ALMS1: variants seen among roughly 807,000 people sequenced by gnomAD.
The protein encoded by ALMS1 is ALMS1 centrosome and basal body associated protein.
In ALMS1, 271 loss-of-function variants were observed where a neutral mutation model predicts 352.2. The observed-to-expected ratio is 0.77, with a 90% CI of 0.70 to 0.85. The LOEUF is 0.85. Among genes scored for constraint, ALMS1 ranks in the 40% least tolerant of loss-of-function variants. ALMS1 has a pLI of 0.00. For missense variants in ALMS1, 5,445 were observed against 4,870.7 expected (o/e 1.12, Z -3.51); for synonymous variants, 1,865 against 1,761.2 (o/e 1.06, Z -1.48).
At chr2:73,478,169 C>A (rs1320167132) in intron 9 of ALMS1, among the ~76,000 whole-genome samples, 1 of 152,066 alleles carries the variant, frequency 6.6e-6, no homozygotes, top group Non-Finnish European at 1.5e-5. Context: ...AATTTTATCA[C>A]AAAAACGTAT....
In ALMS1 at chr2:73,434,765, T is replaced by C. The variant is rs565712225; in HGVS notation, c.1432+2474T>C. ...CTTCACATATTTTGACATTATGATG[T>C]TAGATCCATATATGTTTATAATTGT... is the stretch of plus-strand genomic sequence containing the variant. On this transcript the variant is annotated intron_variant, in intron 7 of 22. Coordinates refer to ENST00000613296, the MANE Select transcript of ALMS1 (RefSeq NM_001378454.1). 2.0e-5 allele frequency among the ~76,000 whole-genome samples: 3 copies of C among 152,342 alleles called. No homozygotes were observed. In the South Asian group the frequency reaches 6.2e-4, roughly 32 times the overall value.
intron 1 of ALMS1, among the ~76,000 whole-genome samples, chr2:73,391,583 G>A (rs1395387835): frequency 6.6e-6 from 1 of 152,100 alleles, no homozygotes; most frequent in Non-Finnish European, 1.5e-5. Context: ...TTGAGCCACC[G>A]TGCCTGGCCT....
At chr2:73,569,292 G>A (rs1363764514) in intron 15 of ALMS1, among the ~76,000 whole-genome samples, 1 of 151,952 alleles carries the variant, frequency 6.6e-6, no homozygotes, top group East Asian at 1.9e-4. Flanking sequence ...TGGGATTACA[G>A]GCCTGAGCCA....
intron 10 of ALMS1, among the ~76,000 whole-genome samples, chr2:73,497,998 G>A (rs1673144742): frequency 1.3e-5 from 2 of 152,038 alleles, no homozygotes. Flanking sequence ...CTGCAATAAA[G>A]CCGATCACAT....
intron 10 of ALMS1, among the ~76,000 whole-genome samples, chr2:73,514,224 A>G (rs936982077): frequency 2.0e-5 from 3 of 152,158 alleles, no homozygotes; most frequent in Non-Finnish European, 2.9e-5. Flanking sequence ...TACATTTAAT[A>G]TAATTATTGA....
intron 1 of ALMS1, among the ~76,000 whole-genome samples, chr2:73,391,958 TC>T (rs1290121351): frequency 6.6e-6 from 1 of 152,152 alleles, no homozygotes; most frequent in Non-Finnish European, 1.5e-5. Flanking sequence ...TTGGTGGTTT[TC>T]CTAGGAAATC....
intron 12 of ALMS1, among the ~76,000 whole-genome samples, chr2:73,536,858 G>GA (rs1462512291): frequency 6.6e-6 from 1 of 152,162 alleles, no homozygotes; most frequent in African/African-American, 2.4e-5. Flanking sequence ...ATTTATTCAA[G>GA]AAAAATGGCC....
intron 12 of ALMS1, 53 bp downstream of exon 12, chr2:73,535,002 T>C (rs1402517874): frequency 1.2e-6 from 2 of 1,606,696 alleles, no homozygotes; most frequent in South Asian, 2.2e-5. Context: ...TATTTGTGTA[T>C]TGGCTAGTTG....
chr2:73,425,024 G>A lies in ALMS1; in HGVS notation c.1237+122G>A, dbSNP rs1444894941. Reference sequence around the variant, plus strand: ...TGCCATGGAACAAAGAGGGAACTTTGCACCACCCAGAAACGTGTGTAATCA... The same window carrying A: ...TGCCATGGAACAAAGAGGGAACTTTACACCACCCAGAAACGTGTGTAATCA... On this transcript the variant is annotated intron_variant, in intron 5 of 22. Transcript: ENST00000613296. 3.9e-6 allele frequency: 3 copies of A among 771,446 alleles called. No individual in the cohort carries two copies. In the Admixed American group the frequency reaches 9.2e-5, roughly 24 times the overall value. 47.8% of individuals were successfully genotyped at this position (771,446 alleles called of 1,614,324 possible). A position where few individuals can be genotyped will look rare whatever the true frequency, so the allele number is the denominator to read the frequency against.
At chr2:73,467,304 A>C (rs1672376119) in intron 9 of ALMS1, among the ~76,000 whole-genome samples, 1 of 152,144 alleles carries the variant, frequency 6.6e-6, no homozygotes, top group South Asian at 2.1e-4. Context: ...CTACCCAAAG[A>C]CTTCACTAGG....
intron 21 of ALMS1, among the ~76,000 whole-genome samples, chr2:73,606,212 G>A (rs753821952): frequency 9.2e-5 from 14 of 152,162 alleles, no homozygotes; most frequent in African/African-American, 1.4e-4. Flanking sequence ...GTTATTTCAA[G>A]TGAATAAAAA....
intron 1 of ALMS1, among the ~76,000 whole-genome samples, chr2:73,403,186 C>A (rs1210647256): frequency 1.3e-5 from 2 of 152,142 alleles, no homozygotes; most frequent in Non-Finnish European, 2.9e-5. Flanking sequence ...GTTCTTTAAT[C>A]AACTTTGAGT....
intron 16 of ALMS1, among the ~76,000 whole-genome samples, chr2:73,590,622 G>T (rs1166174292): frequency 2.3e-5 from 3 of 132,874 alleles, no homozygotes; most frequent in South Asian, 2.6e-4. Flanking sequence ...ATTCATTTTT[G>T]TAAACATATT....
At chr2:73,493,230 T>G (rs1199884940) in intron 10 of ALMS1, among the ~76,000 whole-genome samples, 1 of 151,792 alleles carries the variant, frequency 6.6e-6, no homozygotes, top group Non-Finnish European at 1.5e-5. Flanking sequence ...GTTGTGGATT[T>G]AAAAAACCTG....
intron 2 of ALMS1, 117 bp downstream of exon 2, chr2:73,408,864 CTTTTTTT>C (rs58686365): frequency 3.8e-4 from 72 of 188,546 alleles, no homozygotes; most frequent in South Asian, 8.9e-4. Context: ...GTTTTCTTGT[CTTTTTTT>C]TTTTTTTTTT....
chr2:73,479,430 A>G (rs1007330288), intron 9 of ALMS1, among the ~76,000 whole-genome samples: 4 of 152,182 alleles, frequency 2.6e-5, no homozygotes, highest in Admixed American at 6.5e-5. Flanking sequence ...CTTTGTTTCT[A>G]TAACTTTGTA....
At chr2:73,566,162 AT>A (rs2104086611) in intron 15 of ALMS1, among the ~76,000 whole-genome samples, 1 of 152,364 alleles carries the variant, frequency 6.6e-6, no homozygotes, top group African/African-American at 2.4e-5. Flanking sequence ...TTAAAAGTTT[AT>A]TTTAAAAAAT....
chr2:73,555,587 G>A (rs1294713732), intron 13 of ALMS1, among the ~76,000 whole-genome samples: 1 of 152,024 alleles, frequency 6.6e-6, no homozygotes, highest in Non-Finnish European at 1.5e-5. Flanking sequence ...CTACCCTAAA[G>A]GGAAAATATA....
intron 15 of ALMS1, among the ~76,000 whole-genome samples, chr2:73,568,925 A>G (rs1444444091): frequency 6.9e-6 from 1 of 145,864 alleles, no homozygotes; most frequent in Non-Finnish European, 1.5e-5. Flanking sequence ...GATGGTGATT[A>G]TCAAATCCTG....
Sources: allele counts gnomAD v4.1 joint callset (sites outside exome capture counted in the v4.1 genomes callset), GRCh38; gene constraint gnomAD v4.1.1; transcripts MANE v1.5; gene names NCBI Gene and HGNC (gene_info 2026-07-23, HGNC 2026-07-21).